Variants in COL22A1 observed in about 807,000 individuals in gnomAD.
The protein encoded by COL22A1 is collagen alpha-1(XXII) chain.
In COL22A1, 221 loss-of-function variants were observed where a neutral mutation model predicts 248.9. That is an observed-to-expected ratio of 0.89 (90% CI 0.80 to 0.99). The LOEUF (loss-of-function observed/expected upper bound fraction) is 0.99, where lower values mean the gene tolerates loss of function less well. Ranked by LOEUF, COL22A1 falls within the 50% of genes least tolerant of loss-of-function variation. The pLI is 0.00. For synonymous variants in COL22A1, 891 were observed against 793.4 expected (o/e 1.12, Z -2.07); for missense variants, 2,240 against 2,179.0 (o/e 1.03, Z -0.56).
intron 30 of COL22A1, among the ~76,000 whole-genome samples, chr8:138,709,291 T>G (rs532725814): frequency 1.3e-5 from 2 of 152,294 alleles, no homozygotes; most frequent in East Asian, 3.9e-4. Flanking sequence ...TTTCTAGGTA[T>G]ATACCCAAAG....
At chr8:138,738,169 C>T (rs190530689) in intron 22 of COL22A1, among the ~76,000 whole-genome samples, 17 of 152,262 alleles carry the variant, frequency 1.1e-4, no homozygotes, top group Admixed American at 9.8e-4. Flanking sequence ...AGGCATGATG[C>T]ATTGAAACAA....
intron 10 of COL22A1, among the ~76,000 whole-genome samples, chr8:138,804,433 C>T (rs1780841676): frequency 6.6e-6 from 1 of 152,220 alleles, no homozygotes; most frequent in African/African-American, 2.4e-5. Context: ...CCAGGGCCTG[C>T]TCTGCTCAAG....
chr8:138,691,513 A>G (rs114079966), intron 35 of COL22A1, among the ~76,000 whole-genome samples: 302 of 50,856 alleles, frequency 5.9e-3, no homozygotes, highest in African/African-American at 0.018. Flanking sequence ...CCATGTGTGC[A>G]TATTTGTGAA....
intron 18 of COL22A1, among the ~76,000 whole-genome samples, chr8:138,756,613 A>C (rs1833024913): frequency 6.6e-6 from 1 of 152,172 alleles, no homozygotes; most frequent in Non-Finnish European, 1.5e-5. Flanking sequence ...AGCATGGGAA[A>C]CACTTAAAAC....
intron 16 of COL22A1, among the ~76,000 whole-genome samples, chr8:138,772,060 T>C (rs1834412243): frequency 6.6e-6 from 1 of 151,040 alleles, no homozygotes; most frequent in African/African-American, 2.5e-5. Flanking sequence ...TCTCATCCAC[T>C]CCCAGGGTTT....
intron 3 of COL22A1, among the ~76,000 whole-genome samples, chr8:138,850,071 C>T (rs1821515376): frequency 6.6e-6 from 1 of 152,154 alleles, no homozygotes; most frequent in South Asian, 2.1e-4. Flanking sequence ...ATCTCAGGGC[C>T]ATGGTGTGCA....
At chr8:138,776,078 G>A (rs888228032) in intron 15 of COL22A1, 68 bp from the exon 16 acceptor site, 3 of 1,531,678 alleles carry the variant, frequency 2.0e-6, no homozygotes, top group East Asian at 2.2e-5. Context: ...CCGTGGGGGT[G>A]TCCATGGAGA....
intron 12 of COL22A1, among the ~76,000 whole-genome samples, chr8:138,785,632 C>G (rs1197236431): frequency 6.6e-6 from 1 of 152,160 alleles, no homozygotes; most frequent in Non-Finnish European, 1.5e-5. Context: ...GCAGGGATGT[C>G]TTGATGGGAT....
chr8:138,598,628 G>A, intron 61 of COL22A1, 91 bp downstream of exon 61: 6 of 1,278,356 alleles, frequency 4.7e-6, no homozygotes, highest in Non-Finnish European at 6.5e-6. Context: ...ACTGGGATCT[G>A]TAAACTGGTG....
intron 16 of COL22A1, among the ~76,000 whole-genome samples, chr8:138,768,668 T>C (rs1166701526): frequency 6.6e-6 from 1 of 152,204 alleles, no homozygotes; most frequent in Non-Finnish European, 1.5e-5. Flanking sequence ...CCAGGTATGG[T>C]GGCTCATGCC....
intron 30 of COL22A1, among the ~76,000 whole-genome samples, chr8:138,711,113 T>G (rs993865341): frequency 1.3e-5 from 2 of 152,080 alleles, no homozygotes; most frequent in African/African-American, 4.8e-5. Context: ...AAAAGAGGCT[T>G]GACTAAGAAG....
At chr8:138,830,778 T>G (rs1470184567) in intron 5 of COL22A1, among the ~76,000 whole-genome samples, 2 of 152,194 alleles carry the variant, frequency 1.3e-5, no homozygotes, top group Non-Finnish European at 2.9e-5. Context: ...TTTCTTAAAG[T>G]TCCATGTGAT....
intron 39 of COL22A1, among the ~76,000 whole-genome samples, chr8:138,682,692 T>C (rs767622775): frequency 2.0e-5 from 3 of 152,136 alleles, no homozygotes; most frequent in Non-Finnish European, 4.4e-5. Flanking sequence ...GCACTTTATT[T>C]TATTTTTATT....
At chr8:138,714,743 A>G (rs4436164) in intron 30 of COL22A1, among the ~76,000 whole-genome samples, 150,839 of 152,300 alleles carry the variant, frequency 0.99, 74,715 homozygotes, top group East Asian at 1. Flanking sequence ...CTCTCTGTGC[A>G]CTTCAGGGCA....
chr8:138,812,485 G>T (rs1394157425), intron 8 of COL22A1, among the ~76,000 whole-genome samples: 2 of 152,194 alleles, frequency 1.3e-5, no homozygotes, highest in African/African-American at 4.8e-5. Context: ...ACGGGGCAGA[G>T]GCTGAGGTCC....
At chr8:138,847,463 T>C (rs553919137) in intron 3 of COL22A1, among the ~76,000 whole-genome samples, 1 of 152,172 alleles carries the variant, frequency 6.6e-6, no homozygotes, top group East Asian at 1.9e-4. Context: ...AAAGACAGAG[T>C]TTTCAGCCCA....
chr8:138,598,322 C>T (rs1226377018), intron 61 of COL22A1, among the ~76,000 whole-genome samples: 4 of 152,124 alleles, frequency 2.6e-5, no homozygotes, highest in African/African-American at 9.7e-5. Context: ...GTAAACCATC[C>T]CACAGTGAAG....
At chr8:138,844,495 G>C (rs1422253067) in intron 3 of COL22A1, among the ~76,000 whole-genome samples, 1 of 152,184 alleles carries the variant, frequency 6.6e-6, no homozygotes, top group African/African-American at 2.4e-5. Context: ...GTAGATACAT[G>C]TGCCTGCTGC....
At chr8:138,646,789 C>A in intron 46 of COL22A1, 107 bp from the exon 47 acceptor site, 1 of 786,052 alleles carries the variant, frequency 1.3e-6, no homozygotes, top group Non-Finnish European at 2.0e-6. Context: ...ACTGATTTTC[C>A]ACTGGGACTT....
Sources: allele counts gnomAD v4.1 joint callset (sites outside exome capture counted in the v4.1 genomes callset), GRCh38; gene constraint gnomAD v4.1.1; transcripts MANE v1.5; gene names NCBI Gene and HGNC (gene_info 2026-07-23, HGNC 2026-07-21).